The following TOP3A variants were observed in gnomAD, a reference collection of about 807,000 sequenced individuals.
The protein encoded by TOP3A is DNA topoisomerase 3-alpha.
TOP3A carries 64 observed loss-of-function variants against 111.3 expected under a neutral mutation model. The ratio of observed to expected loss-of-function variants is 0.57; its 90% CI spans 0.47 to 0.71. The LOEUF is 0.71. Among genes scored for constraint, TOP3A ranks in the 30% least tolerant of loss-of-function variants. TOP3A has a pLI of 0.00. For missense variants in TOP3A, 1,104 were observed against 1,285.0 expected, an observed-to-expected ratio of 0.86 and a Z score of 2.15; for synonymous variants, 484 against 485.1, an observed-to-expected ratio of 1.00 and a Z score of 0.03.
intron 13 of TOP3A, among the ~76,000 whole-genome samples, chr17:18,289,338 GTTGT>G (rs146819023): frequency 0.27 from 41,212 of 151,096 alleles, 5,844 homozygotes; most frequent in Non-Finnish European, 0.31. Context: ...TGTTGTTGTT[GTTGT>G]TTGTTTGTTT....
chr17:18,277,185 CAAAA>C (rs34363304), intron 18 of TOP3A, among the ~76,000 whole-genome samples: 7 of 96,478 alleles, frequency 7.3e-5, no homozygotes, highest in South Asian at 7.5e-4. Context: ...ACTCAGTCTC[CAAAA>C]AAAAAAAAAA....
intron 9 of TOP3A, 106 bp from the exon 10 acceptor site, chr17:18,294,891 T>G: frequency 2.7e-6 from 2 of 743,660 alleles, no homozygotes; most frequent in Non-Finnish European, 4.7e-6. Flanking sequence ...TCACTCCAGG[T>G]GCTTCTGTCA....
chr17:18,275,598 G>C (rs1399726052), intron 18 of TOP3A, among the ~76,000 whole-genome samples: 1 of 151,714 alleles, frequency 6.6e-6, no homozygotes, highest in Non-Finnish European at 1.5e-5. Flanking sequence ...TCCTAACCTT[G>C]TGATCCGCCC....
chr17:18,302,822 C>T (rs369822373), intron 5 of TOP3A, 99 bp from the exon 6 acceptor site: 2 of 1,438,020 alleles, frequency 1.4e-6, no homozygotes, highest in Non-Finnish European at 1.9e-6. Context: ...TAAAGGCAAA[C>T]CAGTTCAAGA....
In TOP3A at chr17:18,299,623, G is replaced by A. The variant is rs1196594011; in HGVS notation, c.926C>T (p.Ala309Val). Residue 309 changes from alanine to valine, a missense_variant, in exon 9 of 19, where the codon GCA becomes GTA. By Grantham distance (64) the Ala-to-Val change is moderately conservative. Transcript: ENST00000321105. ...CTTAGATCTGACCTCTACCACAGTT[G>A]CCATGGGATCCTAGAAAGCCAGGAA... ...LYQLCVEDPM[A>V]TVVEVRSKPK... is the part of the protein sequence containing the mutation. The A allele has an allele frequency of 6.2e-7, 1 of 1,613,910 alleles. No homozygotes were observed. The highest frequency in any genetic ancestry group is 8.5e-7 in the Non-Finnish European group (1 of 1,179,916).
At chr17:18,289,033 G>A (rs1207230487) in intron 13 of TOP3A, among the ~76,000 whole-genome samples, 1 of 151,988 alleles carries the variant, frequency 6.6e-6, no homozygotes, top group East Asian at 1.9e-4. Flanking sequence ...TTTTTTTTGA[G>A]ATGGAGTCTC....
chr17:18,285,497 G>C lies in TOP3A; in HGVS notation c.1621C>G (p.His541Asp), dbSNP rs1281613045. Reference protein sequence around the residue: ...GIGTDATHAEHIETIKARMYV... With the variant: ...GIGTDATHAEDIETIKARMYV... The stretch of plus-strand genomic sequence containing the variant: ...ATCCGGGCTTTGATGGTCTCGATGT[G>C]CTCCGCATGAGTGGCATCCGTACCT... The change falls in exon 14 of 19, where the codon CAC (histidine) becomes GAC (aspartate). Residue 541 changes from histidine to aspartate, a missense_variant. His to Asp is a moderately conservative substitution (Grantham distance 81). Coordinates refer to ENST00000321105, the MANE Select transcript of TOP3A (RefSeq NM_004618.5). 6.2e-7 allele frequency: 1 copy of C among 1,614,010 alleles called. No homozygotes were observed. The highest frequency in any genetic ancestry group is 1.3e-5 in the African/African-American group (1 of 75,018).
intron 1 of TOP3A, among the ~76,000 whole-genome samples, chr17:18,310,251 C>T (rs969572561): frequency 1.8e-4 from 28 of 151,596 alleles, no homozygotes; most frequent in African/African-American, 6.8e-4. Flanking sequence ...ATAGTGAAAC[C>T]CTGTCTCTAC....
chr17:18,283,020 G>A lies in TOP3A; in HGVS notation c.1878-179C>T, dbSNP rs149200352. 7.6e-3 allele frequency among the ~76,000 whole-genome samples: 1,161 copies of A among 152,292 alleles called. 10 individuals are homozygous for A. The highest frequency in any genetic ancestry group is 0.037 in the Middle Eastern group (11 of 294). ...TGAGCTCACCATGGGCCCTGGTGCCGAACCAACTCTTGGGAGGAGAGTCCA... is the reference window on the plus strand; with the variant it reads ...TGAGCTCACCATGGGCCCTGGTGCCAAACCAACTCTTGGGAGGAGAGTCCA... On this transcript the variant is annotated intron_variant, in intron 15 of 18. Coordinates refer to ENST00000321105, the MANE Select transcript of TOP3A (RefSeq NM_004618.5).
intron 11 of TOP3A, 94 bp downstream of exon 11, chr17:18,292,551 A>G: frequency 8.9e-7 from 1 of 1,125,794 alleles, no homozygotes. Context: ...ACTTGTTTTT[A>G]CAATCACAGC....
chr17:18,280,595 C>T lies in TOP3A; in HGVS notation c.2085G>A (p.Val695=). ...CACTGCTGTCCCTGCTGGCCTCCAG[C>T]ACCGAGTCAGGAAGCCACACAGCTG... The part of the protein sequence containing the change: ...CRSAVWLPDS[V]LEASRDSSVC... The change falls in exon 17 of 19, where the codon GTG becomes GTA. Residue 695 remains valine, a synonymous_variant. Transcript: ENST00000321105. The T allele has an allele frequency of 6.2e-7, 1 of 1,614,060 alleles. No individual in the cohort carries two copies. Among genetic ancestry groups the T allele is most frequent in the Non-Finnish European group, 8.5e-7 (1 of 1,179,954 alleles).
intron 1 of TOP3A, 128 bp downstream of exon 1, chr17:18,314,471 G>A: frequency 9.1e-7 from 1 of 1,096,916 alleles, no homozygotes; most frequent in Non-Finnish European, 1.3e-6. Context: ...CAATAATCCA[G>A]ACGAGGGGCA....
chr17:18,299,076 AT>A (rs1274274324), intron 9 of TOP3A, among the ~76,000 whole-genome samples: 5 of 151,076 alleles, frequency 3.3e-5, no homozygotes, highest in African/African-American at 4.8e-5. Context: ...TAAAATTAAA[AT>A]TAAAAAAAAA....
chr17:18,294,890 G>A, intron 9 of TOP3A, 105 bp from the exon 10 acceptor site: 3 of 747,556 alleles, frequency 4.0e-6, no homozygotes, highest in Non-Finnish European at 7.0e-6. Flanking sequence ...GTCACTCCAG[G>A]TGCTTCTGTC....
chr17:18,295,169 T>C (rs1980719100), intron 9 of TOP3A, among the ~76,000 whole-genome samples: 1 of 152,182 alleles, frequency 6.6e-6, no homozygotes, highest in Admixed American at 6.5e-5. Context: ...ATTTTTTTTT[T>C]TGAGACGGAG....
chr17:18,303,402 A>G (rs1448452000), intron 5 of TOP3A, among the ~76,000 whole-genome samples: 1 of 152,142 alleles, frequency 6.6e-6, no homozygotes, highest in Non-Finnish European at 1.5e-5. Flanking sequence ...GCTGAGGAGG[A>G]TTAGTGAAAG....
At chr17:18,304,744 T>TAAC (rs200516029) in intron 5 of TOP3A, among the ~76,000 whole-genome samples, 107 of 152,208 alleles carry the variant, frequency 7.0e-4, no homozygotes, top group African/African-American at 1.9e-3. Context: ...ATTCAATATA[T>TAAC]AACAACAACA....
chr17:18,283,717 C>T (rs1347128983), intron 15 of TOP3A, among the ~76,000 whole-genome samples: 1 of 152,178 alleles, frequency 6.6e-6, no homozygotes, highest in Non-Finnish European at 1.5e-5. Context: ...AGTCACAAAT[C>T]CCAGGCTGTG....
At position 18,274,904 on chromosome 17, in the gene TOP3A, C is replaced by CCGGG. The variant is rs1231081296; in HGVS notation, c.2900_2903dup (p.Ala969ProfsTer39). ...TGGACCCCATGTCTGAGGAACTGGC[C>CCGGG]CGGGGCCTTTTGCTTCTGGCTTCCG... On this transcript the variant is annotated frameshift_variant, in exon 19 of 19. Transcript: ENST00000321105. LOFTEE classifies it high-confidence loss of function. 1 of 1,614,012 alleles carries CCGGG rather than the reference C, an allele frequency of 6.2e-7. No homozygotes were observed. Among genetic ancestry groups the CCGGG allele is most frequent in the Admixed American group, 1.7e-5 (1 of 59,990 alleles).
Sources: allele counts gnomAD v4.1 joint callset (sites outside exome capture counted in the v4.1 genomes callset), GRCh38; gene constraint gnomAD v4.1.1; transcripts MANE v1.5; gene names NCBI Gene and HGNC (gene_info 2026-07-23, HGNC 2026-07-21).